The following CACNA2D3 variants were observed in gnomAD, a reference collection of about 807,000 sequenced individuals.
The protein encoded by CACNA2D3 is voltage-dependent calcium channel subunit alpha-2/delta-3.
A neutral mutation model predicts 160.6 loss-of-function variants in CACNA2D3; 60 were observed. That is an observed-to-expected ratio of 0.37 (90% CI 0.30 to 0.46). The LOEUF (loss-of-function observed/expected upper bound fraction) is 0.46. Ranked by LOEUF, CACNA2D3 falls within the 20% of genes least tolerant of loss-of-function variation. The pLI, the probability that CACNA2D3 is intolerant of heterozygous loss-of-function variation, is 1.00. For missense variants in CACNA2D3, 1,205 were observed against 1,365.0 expected, an observed-to-expected ratio of 0.88 and a Z score of 1.85; for synonymous variants, 558 against 492.9, an observed-to-expected ratio of 1.13 and a Z score of -1.75.
chr3:54,500,921 C>T (rs930802631), intron 4 of CACNA2D3, among the ~76,000 whole-genome samples: 1 of 152,170 alleles, frequency 6.6e-6, no homozygotes, highest in African/African-American at 2.4e-5. Flanking sequence ...TTTATTTTCT[C>T]ACAGTTCTGG....
chr3:54,133,528 C>T (rs1475675710), intron 2 of CACNA2D3, among the ~76,000 whole-genome samples: 1 of 152,154 alleles, frequency 6.6e-6, no homozygotes, highest in Non-Finnish European at 1.5e-5. Flanking sequence ...CTTCTCCACA[C>T]CCTTAAAATT....
chr3:54,926,429 T>C (rs1365608642), intron 27 of CACNA2D3, among the ~76,000 whole-genome samples: 6 of 151,826 alleles, frequency 4.0e-5, no homozygotes, highest in Non-Finnish European at 7.4e-5. Flanking sequence ...TCAGAGTTCT[T>C]ATCTACTGTG....
intron 14 of CACNA2D3, among the ~76,000 whole-genome samples, chr3:54,823,838 A>T (rs780683580): frequency 3.9e-5 from 6 of 152,222 alleles, no homozygotes; most frequent in Admixed American, 6.5e-5. Flanking sequence ...TAGGAGAACA[A>T]ATATGTATTT....
At chr3:54,377,885 G>T (rs1253525907) in intron 3 of CACNA2D3, among the ~76,000 whole-genome samples, 1 of 152,196 alleles carries the variant, frequency 6.6e-6, no homozygotes, top group African/African-American at 2.4e-5. Context: ...ATACAACCAG[G>T]AATGGAAACT....
intron 29 of CACNA2D3, among the ~76,000 whole-genome samples, chr3:54,976,085 AC>A (rs1702386457): frequency 6.6e-6 from 1 of 151,438 alleles, no homozygotes; most frequent in Non-Finnish European, 1.5e-5. Flanking sequence ...ACACACACAC[AC>A]ACACACATTA....
chr3:54,538,428 G>A (rs74344917), intron 5 of CACNA2D3, among the ~76,000 whole-genome samples: 2,568 of 152,124 alleles, frequency 0.017, 72 homozygotes, highest in East Asian at 0.11. Flanking sequence ...GTCCTCATCC[G>A]TTCATGAAGG....
intron 35 of CACNA2D3, among the ~76,000 whole-genome samples, chr3:55,019,955 A>G (rs1161305244): frequency 6.6e-6 from 1 of 152,114 alleles, no homozygotes; most frequent in Non-Finnish European, 1.5e-5. Context: ...CATTCAGTAC[A>G]TTCACAGTGT....
At chr3:55,047,763 T>C (rs2107199870) in intron 35 of CACNA2D3, among the ~76,000 whole-genome samples, 1 of 91,474 alleles carries the variant, frequency 1.1e-5, no homozygotes, top group South Asian at 4.6e-4. Flanking sequence ...GTTTGTATCC[T>C]CTTTTATTTC....
intron 11 of CACNA2D3, among the ~76,000 whole-genome samples, chr3:54,695,414 A>G (rs1211062997): frequency 6.6e-6 from 1 of 150,376 alleles, no homozygotes; most frequent in East Asian, 1.9e-4. Context: ...TTAAACCATC[A>G]TCTTTGTGCA....
At chr3:54,910,768 C>A (rs1246863676) in intron 27 of CACNA2D3, among the ~76,000 whole-genome samples, 2 of 152,148 alleles carry the variant, frequency 1.3e-5, no homozygotes, top group African/African-American at 4.8e-5. Context: ...TCATTAGATG[C>A]CAGGCTGAAG....
At chr3:54,812,115 A>G (rs1703334371) in intron 13 of CACNA2D3, among the ~76,000 whole-genome samples, 1 of 152,202 alleles carries the variant, frequency 6.6e-6, no homozygotes, top group African/African-American at 2.4e-5. Context: ...TCTAGTCATC[A>G]CATTCACCTT....
rs182387499 is a variant in CACNA2D3, at chr3:55,073,295, G to C, written c.2988-150G>C. The C allele has an allele frequency of 1.1e-3, 690 of 609,586 alleles. 3 individuals are homozygous for C. The African/African-American group carries it at 0.012, about 10-fold the overall frequency. 37.8% of individuals were successfully genotyped at this position (609,586 alleles called of 1,614,324 possible). A position where few individuals can be genotyped will look rare whatever the true frequency, so the allele number is the denominator to read the frequency against. On this transcript the variant is annotated intron_variant, in intron 35 of 37. Coordinates refer to ENST00000474759, the MANE Select transcript of CACNA2D3 (RefSeq NM_018398.3). ...GGTATTTGTAAGTGAAGAGCCTCAT[G>C]GAGAAAGAAGGTAACATTAGTAGTA...
intron 2 of CACNA2D3, among the ~76,000 whole-genome samples, chr3:54,241,772 G>C (rs891376617): frequency 1.3e-5 from 2 of 152,238 alleles, no homozygotes; most frequent in Non-Finnish European, 2.9e-5. Flanking sequence ...CAGTCACCCA[G>C]CTTCCAGTGC....
intron 5 of CACNA2D3, among the ~76,000 whole-genome samples, chr3:54,559,453 C>T (rs61562435): frequency 0.043 from 6,482 of 152,086 alleles, 434 homozygotes; most frequent in African/African-American, 0.15. Flanking sequence ...CCACCACGCC[C>T]AGCTAGTTTT....
At chr3:54,775,595 A>G (rs1702411297) in intron 13 of CACNA2D3, among the ~76,000 whole-genome samples, 1 of 152,170 alleles carries the variant, frequency 6.6e-6, no homozygotes, top group Non-Finnish European at 1.5e-5. Flanking sequence ...TTTACAACAG[A>G]GTGCTGGGTT....
intron 13 of CACNA2D3, among the ~76,000 whole-genome samples, chr3:54,773,760 T>A (rs1301750329): frequency 6.6e-6 from 1 of 152,222 alleles, no homozygotes; most frequent in African/African-American, 2.4e-5. Flanking sequence ...AATATTTTCC[T>A]CTTCCATTGA....
intron 2 of CACNA2D3, among the ~76,000 whole-genome samples, chr3:54,275,173 C>A (rs974131883): frequency 6.6e-6 from 1 of 152,180 alleles, no homozygotes; most frequent in East Asian, 1.9e-4. Context: ...CACTCAGAAA[C>A]CCACTTTGCT....
At chr3:54,179,611 G>A (rs1381504136) in intron 2 of CACNA2D3, among the ~76,000 whole-genome samples, 1 of 152,188 alleles carries the variant, frequency 6.6e-6, no homozygotes, top group African/African-American at 2.4e-5. Flanking sequence ...ATATTTATAT[G>A]TTAAAACCGA....
chr3:54,242,596 C>A (rs1392817592), intron 2 of CACNA2D3, among the ~76,000 whole-genome samples: 1 of 152,214 alleles, frequency 6.6e-6, no homozygotes, highest in African/African-American at 2.4e-5. Context: ...AACAGTCAAT[C>A]TGCTCGCCCA....
Sources: gnomAD v4.1 joint callset for allele counts (sites outside exome capture counted in the v4.1 genomes callset) on GRCh38, gnomAD v4.1.1 for gene constraint, MANE v1.5 for transcripts, NCBI Gene and HGNC (gene_info 2026-07-23, HGNC 2026-07-21) for gene names.